Variants in ADAMTS16 observed in about 807,000 individuals in gnomAD.
ADAMTS16 encodes A disintegrin and metalloproteinase with thrombospondin motifs 16.
ADAMTS16 carries 94 observed loss-of-function variants against 145.8 expected under a neutral mutation model. The observed-to-expected ratio is 0.64, with a 90% CI of 0.55 to 0.77. ADAMTS16 has a LOEUF of 0.77. Among genes scored for constraint, ADAMTS16 ranks in the 30% least tolerant of loss-of-function variants. ADAMTS16 has a pLI of 0.00. For synonymous variants in ADAMTS16, 659 were observed against 604.3 expected, an observed-to-expected ratio of 1.09 and a Z score of -1.33; for missense variants, 1,585 against 1,591.5, an observed-to-expected ratio of 1.00 and a Z score of 0.07.
intron 9 of ADAMTS16, among the ~76,000 whole-genome samples, chr5:5,204,423 C>T (rs886596873): frequency 1.2e-4 from 18 of 152,174 alleles, no homozygotes; most frequent in Non-Finnish European, 1.9e-4. Context: ...TAACTAACTT[C>T]TATGCAGATC....
chr5:5,153,469 A>G (rs920968949), intron 3 of ADAMTS16, among the ~76,000 whole-genome samples: 2 of 152,126 alleles, frequency 1.3e-5, no homozygotes, highest in African/African-American at 4.8e-5. Context: ...CTCAACCTCT[A>G]TTTTTGGGTA....
intron 18 of ADAMTS16, among the ~76,000 whole-genome samples, chr5:5,297,209 T>C (rs1739576144): frequency 6.6e-6 from 1 of 152,156 alleles, no homozygotes; most frequent in Admixed American, 6.5e-5. Context: ...GGATGCCCTT[T>C]ACCCACGAGA....
rs58639468 is a variant in ADAMTS16 at position 5,200,107 on chromosome 5, A to ATCTCTC, written c.1314-10_1314-5dup. ...AAACTGTTTTTGTTCTGAAAGAACC[A>ATCTCTC]TCTCTCTCTCTCTCTCTCTCATAGC... On this transcript the variant is annotated intron_variant, in intron 8 of 22. Coordinates refer to ENST00000274181, the MANE Select transcript of ADAMTS16 (RefSeq NM_139056.4). 1,771 of 1,445,360 alleles carry ATCTCTC rather than the reference A, an allele frequency of 1.2e-3. 8 individuals carry two copies. Among genetic ancestry groups the ATCTCTC allele is most frequent in the South Asian group, 0.01 (786 of 77,578 alleles). The allele number at this position is 1,445,360 out of a possible 1,614,324, so 89.5% of individuals were successfully genotyped here.
chr5:5,262,750 T>G lies in ADAMTS16; in HGVS notation c.2756T>G (p.Leu919Arg). 2 of 1,614,234 alleles carry G rather than the reference T, an allele frequency of 1.2e-6. No individual in the cohort carries two copies. The highest frequency in any genetic ancestry group is 1.7e-6 in the Non-Finnish European group (2 of 1,180,044). Residue 919 changes from leucine to arginine, a missense_variant, in exon 18 of 23, where the codon CTG (leucine) becomes CGG (arginine). Coordinates refer to ENST00000274181, the MANE Select transcript of ADAMTS16 (RefSeq NM_139056.4). ...CCCAAGACACGACCTGTCACGGGGCTGGTGCCTTGCAAAGTATCTGCCTGT... is the reference window on the plus strand; with the variant it reads ...CCCAAGACACGACCTGTCACGGGGCGGGTGCCTTGCAAAGTATCTGCCTGT... ...CNPKTRPVTG[L>R]VPCKVSACPP... is the part of the protein sequence containing the mutation.
At chr5:5,288,602 C>T (rs145641489) in intron 18 of ADAMTS16, among the ~76,000 whole-genome samples, 1 of 152,120 alleles carries the variant, frequency 6.6e-6, no homozygotes, top group Non-Finnish European at 1.5e-5. Flanking sequence ...GTAATGAATT[C>T]TTTACTTATC....
At chr5:5,217,186 A>T (rs899386156) in intron 10 of ADAMTS16, among the ~76,000 whole-genome samples, 7 of 151,992 alleles carry the variant, frequency 4.6e-5, no homozygotes, top group African/African-American at 1.7e-4. Context: ...CTTACACCTT[A>T]TACAAAAATC....
At chr5:5,182,733 T>G (rs762287420) in intron 4 of ADAMTS16, among the ~76,000 whole-genome samples, 6 of 152,208 alleles carry the variant, frequency 3.9e-5, no homozygotes, top group Non-Finnish European at 8.8e-5. Flanking sequence ...AAGGGCAGAC[T>G]CAGTGTGACA....
chr5:5,215,714 G>A (rs1417826762), intron 10 of ADAMTS16, among the ~76,000 whole-genome samples: 3 of 103,758 alleles, frequency 2.9e-5, no homozygotes, highest in African/African-American at 5.8e-5. Context: ...ATATATATAT[G>A]TGGTATATAT....
intron 11 of ADAMTS16, 75 bp from the exon 12 acceptor site, chr5:5,232,293 T>C: frequency 1.9e-6 from 3 of 1,576,400 alleles, no homozygotes; most frequent in Non-Finnish European, 2.6e-6. Flanking sequence ...CTGCTCAGCC[T>C]TATAGCAGTG....
chr5:5,265,329 A>T (rs1738196186), intron 18 of ADAMTS16, among the ~76,000 whole-genome samples: 1 of 152,202 alleles, frequency 6.6e-6, no homozygotes, highest in Non-Finnish European at 1.5e-5. Flanking sequence ...GGCATTTTAC[A>T]GGGAGAATAG....
chr5:5,208,060 C>G (rs1052971329), intron 9 of ADAMTS16, among the ~76,000 whole-genome samples: 1 of 152,182 alleles, frequency 6.6e-6, no homozygotes, highest in Non-Finnish European at 1.5e-5. Context: ...AGTATTCCCT[C>G]TGCTCCAATT....
At chr5:5,263,536 G>A (rs949562607) in intron 18 of ADAMTS16, among the ~76,000 whole-genome samples, 2 of 152,248 alleles carry the variant, frequency 1.3e-5, no homozygotes, top group Non-Finnish European at 2.9e-5. Flanking sequence ...CCTGAACTCA[G>A]CCCCTTGTGG....
At chr5:5,290,376 C>T (rs746826341) in intron 18 of ADAMTS16, among the ~76,000 whole-genome samples, 25 of 152,146 alleles carry the variant, frequency 1.6e-4, no homozygotes, top group Non-Finnish European at 3.2e-4. Flanking sequence ...TTGCCTAGGC[C>T]GGGCGTGGTG....
At chr5:5,283,294 A>G (rs1326686685) in intron 18 of ADAMTS16, among the ~76,000 whole-genome samples, 1 of 152,242 alleles carries the variant, frequency 6.6e-6, no homozygotes, top group Non-Finnish European at 1.5e-5. Flanking sequence ...GATTATGGAA[A>G]CATTCACTTA....
intron 17 of ADAMTS16, among the ~76,000 whole-genome samples, chr5:5,256,369 T>G (rs1020228061): frequency 2.6e-5 from 4 of 152,240 alleles, no homozygotes; most frequent in Non-Finnish European, 5.9e-5. Context: ...AAACAAAAGA[T>G]TTCTAAAGTC....
chr5:5,307,642 GA>G (rs146657360), intron 21 of ADAMTS16, among the ~76,000 whole-genome samples: 13,184 of 152,232 alleles, frequency 0.087, 638 homozygotes, highest in Middle Eastern at 0.14. Context: ...CCACCGTGGA[GA>G]GCCCTGTGTG....
intron 3 of ADAMTS16, among the ~76,000 whole-genome samples, chr5:5,158,939 A>G (rs2126523536): frequency 6.6e-6 from 1 of 152,238 alleles, no homozygotes; most frequent in East Asian, 1.9e-4. Context: ...AGGCACTTTC[A>G]CCACCCTGCA....
At chr5:5,156,253 A>G (rs957390033) in intron 3 of ADAMTS16, among the ~76,000 whole-genome samples, 2 of 152,190 alleles carry the variant, frequency 1.3e-5, no homozygotes, top group South Asian at 4.1e-4. Flanking sequence ...CTACTACCCT[A>G]AGTATTGAGA....
At chr5:5,163,847 A>G (rs955912775) in intron 3 of ADAMTS16, among the ~76,000 whole-genome samples, 1 of 152,302 alleles carries the variant, frequency 6.6e-6, no homozygotes, top group Non-Finnish European at 1.5e-5. Context: ...CCACAACACC[A>G]TGCTTTCCTG....
Sources: allele counts gnomAD v4.1 joint callset (sites outside exome capture counted in the v4.1 genomes callset), GRCh38; gene constraint gnomAD v4.1.1; transcripts MANE v1.5; gene names NCBI Gene and HGNC (gene_info 2026-07-23, HGNC 2026-07-21).